CSNK2A1: variants seen among roughly 807,000 people sequenced by gnomAD.
CSNK2A1 encodes the protein casein kinase 2 alpha 1.
A neutral mutation model predicts 62.9 loss-of-function variants in CSNK2A1; 10 were observed. The ratio of observed to expected loss-of-function variants is 0.16; its 90% confidence interval spans 0.10 to 0.27. The LOEUF is 0.27. Ranked by LOEUF, CSNK2A1 falls within the 10% of genes least tolerant of loss-of-function variation. CSNK2A1 has a pLI of 1.00. For synonymous variants in CSNK2A1, 124 were observed against 167.8 expected, an observed-to-expected ratio of 0.74 and a Z score of 2.02; for missense variants, 160 against 492.0, an observed-to-expected ratio of 0.33 and a Z score of 6.38.
chr20:487,997 A>ATCACT (rs1568501338), intron 11 of CSNK2A1: 1 of 205,438 alleles, frequency 4.9e-6, no homozygotes. Context: ...TATAAGTACT[A>ATCACT]TATCTAGTCA....
intron 1 of CSNK2A1, among the ~76,000 whole-genome samples, chr20:529,871 A>T (rs1337310796): frequency 2.6e-5 from 4 of 152,222 alleles, no homozygotes; most frequent in Admixed American, 6.5e-5. Flanking sequence ...GTTTGGTATT[A>T]TCTGTGGTTT....
chr20:477,532 C>T lies in CSNK2A1; in HGVS notation c.*6429G>A, dbSNP rs1270368134. The T allele has an allele frequency of 3.3e-5, 5 of 152,780 alleles. No homozygotes were observed. The highest frequency in any genetic ancestry group is 1.2e-4 in the African/African-American group (5 of 41,562). 9.5% of individuals were successfully genotyped at this position (152,780 alleles called of 1,614,324 possible). A position where few individuals can be genotyped will look rare whatever the true frequency, so the allele number is the denominator to read the frequency against. ...CTTCTAGTTTTTACCACCCCCACCA[C>T]CTCAATCCTGCCCCTGTAGCCTTTC... On this transcript the variant is annotated 3_prime_UTR_variant, in exon 14 of 14. Coordinates refer to ENST00000217244, the MANE Select transcript of CSNK2A1 (RefSeq NM_177559.3).
chr20:533,282 G>A (rs2019251111), intron 1 of CSNK2A1, among the ~76,000 whole-genome samples: 1 of 152,136 alleles, frequency 6.6e-6, no homozygotes, highest in African/African-American at 2.4e-5. Flanking sequence ...CTTCGAATTT[G>A]GAACATAAAT....
Position 487,584 on chromosome 20 carries a change from C to A in CSNK2A1, c.825-9G>T. ...ATCGCTTTCGAGAGTGTCTGCAGGA[C>A]CAAAAGAGGGCATGAGAAATGGGCC... On this transcript the variant is annotated splice_polypyrimidine_tract_variant and intron_variant, in intron 11 of 13. Coordinates refer to ENST00000217244, the MANE Select transcript of CSNK2A1 (RefSeq NM_177559.3). The A allele has an allele frequency of 6.2e-7, 1 of 1,614,144 alleles. No homozygotes were observed. The highest frequency in any genetic ancestry group is 8.5e-7 in the Non-Finnish European group (1 of 1,180,034).
intron 1 of CSNK2A1, among the ~76,000 whole-genome samples, chr20:537,702 GT>G (rs1399161196): frequency 6.6e-6 from 1 of 152,188 alleles, no homozygotes; most frequent in Non-Finnish European, 1.5e-5. Context: ...CATTTCAGAA[GT>G]TCAAAGAAAT....
At chr20:514,613 T>C (rs2018791655) in intron 2 of CSNK2A1, among the ~76,000 whole-genome samples, 1 of 151,934 alleles carries the variant, frequency 6.6e-6, no homozygotes, top group Non-Finnish European at 1.5e-5. Context: ...AGCTAATATT[T>C]GTATTTTTTG....
intron 2 of CSNK2A1, among the ~76,000 whole-genome samples, chr20:525,692 G>T (rs1244092670): frequency 6.7e-6 from 1 of 149,972 alleles, no homozygotes; most frequent in African/African-American, 2.4e-5. Flanking sequence ...TAATAATTAG[G>T]CTGTGCACAG....
intron 2 of CSNK2A1, 83 bp from the exon 3 acceptor site, chr20:508,743 C>CAA (rs2018656408): frequency 1.8e-6 from 1 of 544,192 alleles, no homozygotes; most frequent in South Asian, 2.5e-5. Context: ...ATAATAATGG[C>CAA]CTGAAATATA....
rs779710774 is a variant in CSNK2A1 at position 530,468 on chromosome 20, C to CTT, written c.-226-2421_-226-2420dup. On this transcript the variant is annotated intron_variant, in intron 1 of 13. Transcript: ENST00000217244. ...GTGTACAAGTTTTTCACTTTTTTTC[C>CTT]TTTTTTTTTTTTTTTTTAGAGTCAG... 3.5e-3 allele frequency among the ~76,000 whole-genome samples: 468 copies of CTT among 135,150 alleles called. 5 individuals are homozygous for CTT. Among genetic ancestry groups the CTT allele is most frequent in the African/African-American group, 0.012 (419 of 36,012 alleles). 88.7% of individuals were successfully genotyped at this position (135,150 alleles called of 152,430 possible).
At chr20:525,240 G>A (rs928512657) in intron 2 of CSNK2A1, among the ~76,000 whole-genome samples, 2 of 151,976 alleles carry the variant, frequency 1.3e-5, no homozygotes. Flanking sequence ...GGCCAGGTGT[G>A]GTTGCTCATG....
chr20:489,947 A>G (rs1285620162), intron 9 of CSNK2A1, 66 bp from the exon 10 acceptor site: 2 of 1,283,478 alleles, frequency 1.6e-6, no homozygotes, highest in Non-Finnish European at 2.0e-6. Context: ...AAAATAAAAA[A>G]TTAATTTTTA....
rs79920141 is a variant in CSNK2A1 at position 541,557 on chromosome 20, G to A, written c.-227+2115C>T. Among the ~76,000 whole-genome samples the A allele has an allele frequency of 1.7e-4, 26 of 152,270 alleles. No homozygotes were observed. The East Asian group carries it at 5.0e-3, about 29-fold the overall frequency. ...TGTATGTTCAGAGATAGAGACAATAGTAAAAACAAGGACTCACTCTGGATG... is the reference window on the plus strand; with the variant it reads ...TGTATGTTCAGAGATAGAGACAATAATAAAAACAAGGACTCACTCTGGATG... On this transcript the variant is annotated intron_variant, in intron 1 of 13. Transcript: ENST00000217244.
chr20:488,046 T>C (rs2018138638), intron 11 of CSNK2A1: 1 of 170,510 alleles, frequency 5.9e-6, no homozygotes, highest in Non-Finnish European at 1.2e-5. Context: ...TAGCCTTTTT[T>C]TTTTTTTTTT....
rs1377895342 is a variant in CSNK2A1 at position 495,705 on chromosome 20, G to A, written c.510+14C>T. ...TCATGTAGATAAATAACACTTGTCAGCCTATCACTTTACCTTTCTGTGCTC... is the reference window on the plus strand; with the variant it reads ...TCATGTAGATAAATAACACTTGTCAACCTATCACTTTACCTTTCTGTGCTC... On this transcript the variant is annotated intron_variant, in intron 8 of 13. Transcript: ENST00000217244. 1.2e-6 allele frequency: 2 copies of A among 1,609,690 alleles called. No individual in the cohort carries two copies. The highest frequency in any genetic ancestry group is 1.1e-5 in the South Asian group (1 of 90,980).
chr20:505,321 TAAG>T (rs780028452), intron 3 of CSNK2A1, 92 bp from the exon 4 acceptor site: 53 of 684,354 alleles, frequency 7.7e-5, no homozygotes, highest in Non-Finnish European at 1.1e-4. Flanking sequence ...GTAATAGAAA[TAAG>T]AAGTATTTCA....
chr20:491,606 G>A (rs1350858697), intron 9 of CSNK2A1, among the ~76,000 whole-genome samples: 2 of 152,110 alleles, frequency 1.3e-5, no homozygotes, highest in Non-Finnish European at 2.9e-5. Flanking sequence ...AGAAGTTCGG[G>A]GCTGCAGTCA....
chr20:503,279 C>T (rs904934097), intron 4 of CSNK2A1: 6 of 385,808 alleles, frequency 1.6e-5, no homozygotes, highest in East Asian at 3.7e-5. Flanking sequence ...CGAGGACCTG[C>T]GACTAAAGGC....
Position 478,427 on chromosome 20 carries a change from C to G in CSNK2A1, c.*5534G>C, listed in dbSNP as rs1266861718. 4 of 233,620 alleles carry G rather than the reference C, an allele frequency of 1.7e-5. No individual in the cohort carries two copies. The highest frequency in any genetic ancestry group is 3.5e-5 in the Non-Finnish European group (4 of 114,524). 14.5% of individuals were successfully genotyped at this position (233,620 alleles called of 1,614,324 possible). On this transcript the variant is annotated 3_prime_UTR_variant, in exon 14 of 14. Coordinates refer to ENST00000217244, the MANE Select transcript of CSNK2A1 (RefSeq NM_177559.3). ...GAGACTCTGATTCCCAGGGTGGGAT[C>G]AGGAAGCCAGCCCCAGCTGCTGCAG... is the stretch of plus-strand genomic sequence containing the variant.
In CSNK2A1 at chr20:487,594, G is replaced by A; in HGVS notation, c.825-19C>T. 6.2e-7 allele frequency: 1 copy of A among 1,614,124 alleles called. No individual in the cohort carries two copies. Among genetic ancestry groups the A allele is most frequent in the Non-Finnish European group, 8.5e-7 (1 of 1,180,004 alleles). ...AGAGTGTCTGCAGGACCAAAAGAGG[G>A]CATGAGAAATGGGCCACGTGGGCAC... On this transcript the variant is annotated intron_variant, in intron 11 of 13. Transcript: ENST00000217244.
Sources: allele counts gnomAD v4.1 joint callset (sites outside exome capture counted in the v4.1 genomes callset), GRCh38; gene constraint gnomAD v4.1.1; transcripts MANE v1.5; gene names NCBI Gene and HGNC (gene_info 2026-07-23, HGNC 2026-07-21).